The following AGL variants were observed in gnomAD, a reference collection of about 807,000 sequenced individuals.
AGL encodes the protein amylo-alpha-1,6-glucosidase and 4-alpha-glucanotransferase, also known as glycogen debranching enzyme.
A neutral mutation model predicts 199.3 loss-of-function variants in AGL; 128 were observed. That is an observed-to-expected ratio of 0.64 (90% CI 0.56 to 0.74). AGL has a LOEUF of 0.74. Among genes scored for constraint, AGL ranks in the 30% least tolerant of loss-of-function variants. The probability of loss-of-function intolerance (pLI) is 0.00; values close to 1 mark genes in which losing one functional copy is unlikely to be tolerated. For synonymous variants in AGL, 584 were observed against 594.7 expected (o/e 0.98, Z 0.26); for missense variants, 1,809 against 1,820.8 (o/e 0.99, Z 0.12).
intron 27 of AGL, among the ~76,000 whole-genome samples, chr1:99,904,200 A>G (rs984436003): frequency 1.3e-5 from 2 of 152,192 alleles, no homozygotes; most frequent in Non-Finnish European, 2.9e-5. Flanking sequence ...ATGGCACACT[A>G]TCATCGCCGC....
At position 99,912,505 on chromosome 1, in the gene AGL, G is replaced by A; in HGVS notation, c.3937G>A (p.Val1313Ile). 1.9e-6 allele frequency: 3 copies of A among 1,610,126 alleles called. No individual in the cohort carries two copies. The highest frequency in any genetic ancestry group is 1.7e-6 in the Non-Finnish European group (2 of 1,176,678). ...KNIFPYHEVT[V>I]KRHGKAIKVS... ...TATTTTCCCTTATCATGAAGTCACA[G>A]TAAAAAGACATGGTAAGCTGGTTAT... The change falls in exon 29 of 34, where the codon GTA becomes ATA. Residue 1313 changes from valine to isoleucine, a missense_variant. Transcript: ENST00000361915.
chr1:99,899,233 A>T (rs1653596920), intron 25 of AGL, among the ~76,000 whole-genome samples: 1 of 152,186 alleles, frequency 6.6e-6, no homozygotes, highest in African/African-American at 2.4e-5. Context: ...CATAGAATTA[A>T]TAAAAATTTC....
rs1236840820 is a variant in AGL, at chr1:99,852,666, G to A, written c.82+1542G>A. The A allele has an allele frequency of 2.1e-5, 16 of 776,592 alleles. No individual in the cohort carries two copies. The highest frequency in any genetic ancestry group is 2.2e-4 in the Middle Eastern group (1 of 4,458). The allele number at this position is 776,592 out of a possible 1,614,324, so 48.1% of individuals were successfully genotyped here. On this transcript the variant is annotated intron_variant, in intron 2 of 33. Transcript: ENST00000361915. ...ACTGGGATTACAAGCATAAGCCACCGGGCATGGCCCCAATTCTGAGCATTA... is the reference window on the plus strand; with the variant it reads ...ACTGGGATTACAAGCATAAGCCACCAGGCATGGCCCCAATTCTGAGCATTA...
rs758730034 is a variant in AGL at position 99,910,737 on chromosome 1, T to C, written c.3726T>C (p.Asp1242=). ...DEGFNITAGV[D]EETGFVYGGN... ...GTTTTAATATAACTGCAGGAGTTGA[T>C]GAAGAAACAGGATTTGTTTATGGAG... Residue 1242 remains aspartate (D), a synonymous_variant, in exon 28 of 34, where the codon GAT becomes GAC. Transcript: ENST00000361915. 6.2e-7 allele frequency: 1 copy of C among 1,609,648 alleles called. No homozygotes were observed. The highest frequency in any genetic ancestry group is 1.1e-5 in the South Asian group (1 of 90,952).
At position 99,900,841 on chromosome 1, in the gene AGL, C is replaced by G; in HGVS notation, c.3568C>G (p.Pro1190Ala). 4.3e-6 allele frequency: 7 copies of G among 1,611,822 alleles called. No homozygotes were observed. Among genetic ancestry groups the G allele is most frequent in the Non-Finnish European group, 5.9e-6 (7 of 1,178,562 alleles). ...AATGTATCCTACAGATGATTCTGCT[C>G]CTTTGCCTGCTGGCACACTGGTAAA... Reference protein sequence around the residue: ...SRMYPTDDSAPLPAGTLDQPL... With the variant: ...SRMYPTDDSAALPAGTLDQPL... Residue 1190 changes from proline (P) to alanine (A), a missense_variant, in exon 26 of 34, where the codon CCT becomes GCT. Coordinates refer to ENST00000361915, the MANE Select transcript of AGL (RefSeq NM_000642.3).
intron 25 of AGL, among the ~76,000 whole-genome samples, chr1:99,899,508 C>G (rs1046877643): frequency 9.2e-6 from 1 of 109,092 alleles, no homozygotes; most frequent in Non-Finnish European, 2.0e-5. Flanking sequence ...AGTTTGTTTT[C>G]TTTCTCTCTC....
intron 27 of AGL, among the ~76,000 whole-genome samples, chr1:99,908,258 C>T (rs1557786275): frequency 6.6e-6 from 1 of 150,638 alleles, no homozygotes; most frequent in African/African-American, 2.4e-5. Context: ...CTCCATTTGC[C>T]AAAAAAAATA....
At position 99,922,119 on chromosome 1, in the gene AGL, T is replaced by C. The variant is rs1655551166; in HGVS notation, c.*468T>C. On this transcript the variant is annotated 3_prime_UTR_variant, in exon 34 of 34. Transcript: ENST00000361915. Reference sequence around the variant, plus strand: ...CAGTGCTCACTGCATTTAATAAATATTTAATAAATGATGAATGATAGAAGT... The same window carrying C: ...CAGTGCTCACTGCATTTAATAAATACTTAATAAATGATGAATGATAGAAGT... 2 of 152,104 alleles carry C rather than the reference T, an allele frequency of 1.3e-5. No individual in the cohort carries two copies. 9.4% of individuals were successfully genotyped at this position (152,104 alleles called of 1,614,324 possible).
Position 99,870,800 on chromosome 1 carries a change from A to T in AGL, c.889A>T (p.Lys297Ter). The change falls in exon 7 of 34, where the codon AAA becomes TAA. Residue 297 changes from lysine (K) to a stop codon, truncating the protein, a stop_gained. Transcript: ENST00000361915. LOFTEE classifies it high-confidence loss of function. ...TTGGGAGGATATTTTTCCAAAGCTT[A>T]AACTCTGGGAATTTTTCCAAGTAGA... is the stretch of plus-strand genomic sequence containing the variant. ...IIWEDIFPKL[K>*]LWEFFQVDVN... 1 of 1,611,934 alleles carries T rather than the reference A, an allele frequency of 6.2e-7. No homozygotes were observed. Among genetic ancestry groups the T allele is most frequent in the Non-Finnish European group, 8.5e-7 (1 of 1,178,318 alleles).
chr1:99,856,665 C>T (rs1571216805), intron 2 of AGL, among the ~76,000 whole-genome samples: 1 of 151,916 alleles, frequency 6.6e-6, no homozygotes. Context: ...CATGCTGCCT[C>T]CAAGCATCTG....
intron 20 of AGL, 32 bp downstream of exon 20, chr1:99,884,735 A>G: frequency 6.2e-7 from 1 of 1,612,398 alleles, no homozygotes; most frequent in East Asian, 2.2e-5. Flanking sequence ...GAGATTTGCC[A>G]CCTTAATAAG....
intron 2 of AGL, among the ~76,000 whole-genome samples, chr1:99,857,047 G>A (rs1649543328): frequency 6.6e-6 from 1 of 151,464 alleles, no homozygotes; most frequent in Admixed American, 6.6e-5. Flanking sequence ...CTCCCGGATG[G>A]GGCGGCTGGC....
At chr1:99,900,418 C>T (rs779227059) in intron 25 of AGL, among the ~76,000 whole-genome samples, 7 of 152,154 alleles carry the variant, frequency 4.6e-5, no homozygotes, top group South Asian at 2.1e-4. Context: ...GGGAGTCACA[C>T]AGATTGTTAG....
intron 2 of AGL, chr1:99,852,558 TA>T: frequency 1.7e-5 from 10 of 603,410 alleles, no homozygotes; most frequent in South Asian, 5.8e-5. Context: ...TTTTTTTTTG[TA>T]GAAACTGGGT....
rs533532609 is a variant in AGL at position 99,867,820 on chromosome 1, G to A, written c.665-2580G>A. Among the ~76,000 whole-genome samples, 5 of 152,144 alleles carry A rather than the reference G, an allele frequency of 3.3e-5. No individual in the cohort carries two copies. In the South Asian group the frequency reaches 6.2e-4, roughly 19 times the overall value. On this transcript the variant is annotated intron_variant, in intron 5 of 33. Transcript: ENST00000361915. ...TCCCAAAGCGTGAGCCACCGCACCC[G>A]GCCGTGTTGCAGAAGTTCTATTCCA... is the stretch of plus-strand genomic sequence containing the variant.
intron 12 of AGL, among the ~76,000 whole-genome samples, chr1:99,879,073 C>CTA (rs1215261887): frequency 6.6e-6 from 1 of 152,188 alleles, no homozygotes; most frequent in East Asian, 1.9e-4. Context: ...TAATAAACAG[C>CTA]TAGATAGATA....
intron 27 of AGL, among the ~76,000 whole-genome samples, chr1:99,905,760 T>G (rs1004074805): frequency 4.6e-5 from 7 of 152,044 alleles, no homozygotes; most frequent in African/African-American, 1.7e-4. Context: ...TTAATTTTTT[T>G]GTAGAGGTGG....
At chr1:99,867,488 C>T (rs1482269322) in intron 5 of AGL, among the ~76,000 whole-genome samples, 1 of 152,128 alleles carries the variant, frequency 6.6e-6, no homozygotes, top group Non-Finnish European at 1.5e-5. Context: ...CTAAGAGGCA[C>T]AGTCTATGAG....
rs749209422 is a variant in AGL, at chr1:99,916,632, C to G, written c.4382C>G (p.Ala1461Gly). The G allele has an allele frequency of 3.1e-6, 5 of 1,613,050 alleles. No homozygotes were observed. Residue 1461 changes from alanine to glycine, a missense_variant, in exon 33 of 34, where the codon GCA (alanine) becomes GGA (glycine). Coordinates refer to ENST00000361915, the MANE Select transcript of AGL (RefSeq NM_000642.3). ...TGGCCTATTGGGTATTTTCTTCGTG[C>G]AAAATTATATTTTTCCAGATTGATG... ...WLWPIGYFLR[A>G]KLYFSRLMGP...
Sources: gnomAD v4.1 joint callset for allele counts (sites outside exome capture counted in the v4.1 genomes callset) on GRCh38, gnomAD v4.1.1 for gene constraint, MANE v1.5 for transcripts, NCBI Gene and HGNC (gene_info 2026-07-23, HGNC 2026-07-21) for gene names.